The following SLIT1 variants were observed in gnomAD, a reference collection of about 807,000 sequenced individuals.
SLIT1 encodes slit guidance ligand 1, also known as slit homolog 1 protein.
In SLIT1, 66 loss-of-function variants were observed where a neutral mutation model predicts 186.1. That is an observed-to-expected ratio of 0.35 (90% confidence interval 0.29 to 0.44). The LOEUF is 0.44. SLIT1 is among the 20% of genes least tolerant of loss of function. The probability of loss-of-function intolerance (pLI) is 1.00; values close to 1 mark genes in which losing one functional copy is unlikely to be tolerated. For missense variants in SLIT1, 1,638 were observed against 2,037.4 expected (o/e 0.80, Z 3.77); for synonymous variants, 761 against 833.8 (o/e 0.91, Z 1.50).
At chr10:97,002,512 A>T (rs1210001601) in intron 35 of SLIT1, 143 bp from the exon 36 acceptor site, 1 of 711,308 alleles carries the variant, frequency 1.4e-6, no homozygotes, top group Non-Finnish European at 2.2e-6. Context: ...AAACAAAGGG[A>T]GTTGCATGCG....
chr10:97,070,046 C>T (rs953090812), intron 4 of SLIT1, among the ~76,000 whole-genome samples: 2 of 152,206 alleles, frequency 1.3e-5, no homozygotes, highest in East Asian at 3.8e-4. Context: ...GGAACCGAGG[C>T]CTCTCGCCAA....
Position 97,087,569 on chromosome 10 carries a change from C to T in SLIT1, c.414-21483G>A, listed in dbSNP as rs531925843. ...ATGAGTGAAGAGCACTGCCCTGGGC[C>T]GTACCTACAAGCCAGCACAGCCATG... is the stretch of plus-strand genomic sequence containing the variant. On this transcript the variant is annotated intron_variant, in intron 4 of 36. Coordinates refer to ENST00000266058, the MANE Select transcript of SLIT1 (RefSeq NM_003061.3). Among the ~76,000 whole-genome samples the T allele has an allele frequency of 1.3e-3, 197 of 152,310 alleles. 1 individual carries two copies. The highest frequency in any genetic ancestry group is 2.4e-3 in the Non-Finnish European group (163 of 68,028).
At chr10:97,033,773 C>G (rs968224799) in intron 23 of SLIT1, among the ~76,000 whole-genome samples, 3 of 151,964 alleles carry the variant, frequency 2.0e-5, no homozygotes, top group Non-Finnish European at 4.4e-5. Flanking sequence ...AGAAGTGATC[C>G]TCATAAAGTC....
In SLIT1 at chr10:97,105,394, C is replaced by T. The variant is rs1589395741; in HGVS notation, c.414-39308G>A. ...TTGCGTCTGCAGAAAGGGCACCTTG[C>T]ACACATAAATGAGGCCCCAGGAGCA... is the stretch of plus-strand genomic sequence containing the variant. On this transcript the variant is annotated intron_variant, in intron 4 of 36. Coordinates refer to ENST00000266058, the MANE Select transcript of SLIT1 (RefSeq NM_003061.3). Among the ~76,000 whole-genome samples the T allele has an allele frequency of 2.0e-5, 3 of 152,168 alleles. No homozygotes were observed. The East Asian group carries it at 5.8e-4, about 29-fold the overall frequency.
intron 13 of SLIT1, among the ~76,000 whole-genome samples, chr10:97,055,318 A>G (rs1848826886): frequency 6.6e-6 from 1 of 152,216 alleles, no homozygotes; most frequent in Admixed American, 6.5e-5. Context: ...TTAATTATAC[A>G]GGATTGGAAG....
chr10:97,141,587 A>G (rs940422156), intron 4 of SLIT1, among the ~76,000 whole-genome samples: 3 of 152,164 alleles, frequency 2.0e-5, no homozygotes, highest in Non-Finnish European at 2.9e-5. Flanking sequence ...GAGAGGACAC[A>G]TTGCCTCTAT....
intron 4 of SLIT1, among the ~76,000 whole-genome samples, chr10:97,129,496 C>A (rs1324666035): frequency 2.6e-5 from 4 of 152,292 alleles, no homozygotes; most frequent in East Asian, 1.9e-4. Context: ...TTAGGACCCA[C>A]AAATGTTCAC....
chr10:97,021,514 T>A lies in SLIT1; in HGVS notation c.2583-101A>T. The A allele has an allele frequency of 9.4e-7, 1 of 1,061,116 alleles. No individual in the cohort carries two copies. The highest frequency in any genetic ancestry group is 1.4e-6 in the Non-Finnish European group (1 of 740,100). The allele number at this position is 1,061,116 out of a possible 1,614,324, so 65.7% of individuals were successfully genotyped here. A position where few individuals can be genotyped will look rare whatever the true frequency, so the allele number is the denominator to read the frequency against. On this transcript the variant is annotated intron_variant, in intron 25 of 36. Transcript: ENST00000266058. The surrounding 1 kb of genome is among the most constrained non-coding windows in gnomAD (Gnocchi z 4.5). ...GCACTGCACCAGGGGCTGGCAAAAA[T>A]CTTAGCCTCCATTTCATGAGCATTT...
intron 3 of SLIT1, among the ~76,000 whole-genome samples, chr10:97,159,283 T>C (rs577762644): frequency 6.6e-6 from 1 of 152,342 alleles, no homozygotes; most frequent in Admixed American, 6.5e-5. Flanking sequence ...GGCACCGCCA[T>C]GTTCCCCAAG....
intron 4 of SLIT1, among the ~76,000 whole-genome samples, chr10:97,093,420 A>G (rs925336770): frequency 3.3e-5 from 5 of 152,232 alleles, no homozygotes; most frequent in African/African-American, 4.8e-5. Context: ...TTGCTGAACA[A>G]AAAAACTTCC....
intron 4 of SLIT1, among the ~76,000 whole-genome samples, chr10:97,086,443 T>C (rs964675665): frequency 6.7e-6 from 1 of 149,158 alleles, no homozygotes; most frequent in African/African-American, 2.5e-5. Flanking sequence ...CCAGGCATGG[T>C]GGTGCATGCC....
At chr10:97,003,114 CTGCAACCCTGATCCAAGGTCCTT>C (rs1848327191) in intron 34 of SLIT1, 122 bp from the exon 35 acceptor site, 1 of 932,792 alleles carries the variant, frequency 1.1e-6, no homozygotes, top group African/African-American at 1.6e-5. Flanking sequence ...TCCTTCATCT[CTGCAACCCTGATCCAAGGTCCTT>C]TGCCACCTTG....
intron 4 of SLIT1, among the ~76,000 whole-genome samples, chr10:97,152,535 A>T (rs1589413003): frequency 6.6e-6 from 1 of 152,326 alleles, no homozygotes; most frequent in East Asian, 1.9e-4. Context: ...CATCAGCCCC[A>T]TGAGGCAGCC....
Position 97,019,112 on chromosome 10 carries a change from A to G in SLIT1, c.2747-5T>C. ...GGACAGCCAGCGTTGGAGGACCTGCAGCAAGGGGAGGGTGCTAGTGCAGGG... is the reference window on the plus strand; with the variant it reads ...GGACAGCCAGCGTTGGAGGACCTGCGGCAAGGGGAGGGTGCTAGTGCAGGG... On this transcript the variant is annotated splice_polypyrimidine_tract_variant and splice_region_variant and intron_variant, in intron 26 of 36. Coordinates refer to ENST00000266058, the MANE Select transcript of SLIT1 (RefSeq NM_003061.3). 1.3e-6 allele frequency: 2 copies of G among 1,586,470 alleles called. No individual in the cohort carries two copies. Among genetic ancestry groups the G allele is most frequent in the Non-Finnish European group, 1.7e-6 (2 of 1,155,006 alleles).
rs558614170 is a variant in SLIT1 at position 97,135,492 on chromosome 10, C to T, written c.413+22326G>A. On this transcript the variant is annotated intron_variant, in intron 4 of 36. Transcript: ENST00000266058. ...AGCAACAAGCAGAAATCCACAAAAA[C>T]CTGGAATCACAAGGGGAAGTGGGGC... 3.9e-5 allele frequency among the ~76,000 whole-genome samples: 6 copies of T among 152,252 alleles called. No homozygotes were observed. The South Asian group carries it at 1.2e-3, about 32-fold the overall frequency.
At chr10:97,037,343 C>T (rs565140547) in intron 22 of SLIT1, among the ~76,000 whole-genome samples, 4 of 152,110 alleles carry the variant, frequency 2.6e-5, no homozygotes, top group Admixed American at 2.0e-4. Flanking sequence ...AGAGGTTATC[C>T]GTCCGCCTCA....
rs1455830379 is a variant in SLIT1 at position 97,057,296 on chromosome 10, G to A, written c.1086-15C>T. 1.2e-6 allele frequency: 2 copies of A among 1,612,484 alleles called. No homozygotes were observed. Among genetic ancestry groups the A allele is most frequent in the Non-Finnish European group, 8.5e-7 (1 of 1,179,090 alleles). On this transcript the variant is annotated splice_polypyrimidine_tract_variant and intron_variant, in intron 11 of 36. Transcript: ENST00000266058. ...CATAGAGGACCCTGGAGAAAAGGCAGCAGAGAGGAGGGTTAGAGGACAGCC... is the reference window on the plus strand; with the variant it reads ...CATAGAGGACCCTGGAGAAAAGGCAACAGAGAGGAGGGTTAGAGGACAGCC...
At chr10:97,136,243 T>C (rs1194367731) in intron 4 of SLIT1, among the ~76,000 whole-genome samples, 1 of 152,152 alleles carries the variant, frequency 6.6e-6, no homozygotes, top group Non-Finnish European at 1.5e-5. Flanking sequence ...GGGGAGGCTG[T>C]ACCCGTGGGA....
intron 28 of SLIT1, among the ~76,000 whole-genome samples, chr10:97,015,753 G>A (rs989480315): frequency 4.6e-5 from 7 of 152,246 alleles, no homozygotes; most frequent in South Asian, 2.1e-4. Context: ...GGGATAACTC[G>A]CTGCAAAAGA....
Sources: gnomAD v4.1 joint callset for allele counts (sites outside exome capture counted in the v4.1 genomes callset) on GRCh38, gnomAD v4.1.1 for gene constraint, Gnocchi (gnomAD v3.1) non-coding constraint, MANE v1.5 for transcripts, NCBI Gene and HGNC (gene_info 2026-07-23, HGNC 2026-07-21) for gene names.